WDR27: variants seen among roughly 807,000 people sequenced by gnomAD.
WDR27 encodes WD repeat domain 27, also known as WD repeat-containing protein 27.
In WDR27, 100 loss-of-function variants were observed where a neutral mutation model predicts 114.4. The ratio of observed to expected loss-of-function variants is 0.87; its 90% CI spans 0.74 to 1.03. WDR27 has a LOEUF of 1.03. Ranked by LOEUF, WDR27 falls within the 50% of genes least tolerant of loss-of-function variation. The pLI is 0.00. For missense variants in WDR27, 1,129 were observed against 1,092.9 expected (o/e 1.03, Z -0.47); for synonymous variants, 449 against 423.1 (o/e 1.06, Z -0.75).
intron 23 of WDR27, among the ~76,000 whole-genome samples, chr6:169,583,397 C>A (rs1269086289): frequency 1.5e-5 from 2 of 137,596 alleles, no homozygotes; most frequent in South Asian, 2.4e-4. Flanking sequence ...TACTCATCAG[C>A]TTAGAATTTG....
intron 25 of WDR27, among the ~76,000 whole-genome samples, chr6:169,465,258 C>CAAAAAAAAAAAA (rs56688798): frequency 4.9e-5 from 5 of 101,212 alleles, no homozygotes; most frequent in African/African-American, 1.8e-4. Context: ...AACTCCATCT[C>CAAAAAAAAAAAA]AAAAAAAAAA....
At chr6:169,666,551 G>A (rs538386771) in intron 6 of WDR27, 38 of 985,532 alleles carry the variant, frequency 3.9e-5, no homozygotes, top group Middle Eastern at 5.2e-4. Flanking sequence ...GGGGCTGCAC[G>A]GGAGAGGTGC....
the WDR27 span, among the ~76,000 whole-genome samples, chr6:169,437,937 T>G: frequency 7.2e-5 from 11 of 152,238 alleles, no homozygotes; most frequent in East Asian, 1.9e-4. Context: ...TCAGCGGGTA[T>G]ATGTTCAGGT....
At chr6:169,662,246 A>G (rs1284100975) in intron 9 of WDR27, 58 bp downstream of exon 9, 1 of 1,578,146 alleles carries the variant, frequency 6.3e-7, no homozygotes, top group Non-Finnish European at 8.7e-7. Context: ...CCTAATGTTC[A>G]TCTAAGGAAT....
chr6:169,467,456 T>C (rs112608175), intron 25 of WDR27, among the ~76,000 whole-genome samples: 1,988 of 152,310 alleles, frequency 0.013, 41 homozygotes, highest in African/African-American at 0.041. Flanking sequence ...CATACATCCT[T>C]GAAATAAAGG....
Position 169,659,926 on chromosome 6 carries a change from G to T in WDR27, c.1130-408C>A, listed in dbSNP as rs1825559900. ...AAGCTGCGCCTGGCTGAGCTGGGGA[G>T]GGGCAGGGATGGGCGGCTGAAGGGA... On this transcript the variant is annotated intron_variant, in intron 10 of 25. Coordinates refer to ENST00000448612, the MANE Select transcript of WDR27 (RefSeq NM_182552.5). The surrounding 1 kb of genome is among the most constrained non-coding windows in gnomAD (Gnocchi z 4.3). Among the ~76,000 whole-genome samples, 1 of 151,964 alleles carries T rather than the reference G, an allele frequency of 6.6e-6. No individual in the cohort carries two copies. Among genetic ancestry groups the T allele is most frequent in the Non-Finnish European group, 1.5e-5 (1 of 68,002 alleles).
chr6:169,508,340 T>C (rs55929355), intron 25 of WDR27, among the ~76,000 whole-genome samples: 25 of 152,300 alleles, frequency 1.6e-4, no homozygotes, highest in Non-Finnish European at 3.2e-4. Flanking sequence ...ATACACCAAT[T>C]ATTAGTTGAT....
intron 1 of WDR27, among the ~76,000 whole-genome samples, chr6:169,694,662 T>C (rs139500216): frequency 6.6e-6 from 1 of 152,312 alleles, no homozygotes; most frequent in African/African-American, 2.4e-5. Context: ...AATATGTAAT[T>C]AAACAGTTAT....
the WDR27 span, among the ~76,000 whole-genome samples, chr6:169,429,306 T>C: frequency 6.6e-6 from 1 of 152,060 alleles, no homozygotes; most frequent in African/African-American, 2.4e-5. Flanking sequence ...GGGCTCCTGG[T>C]TGGTTTGCTT....
intron 21 of WDR27, among the ~76,000 whole-genome samples, chr6:169,621,913 T>C (rs1449588810): frequency 6.6e-6 from 1 of 152,110 alleles, no homozygotes; most frequent in Admixed American, 6.5e-5. Context: ...CTTGCACACA[T>C]ATACACACTG....
At chr6:169,557,063 G>A (rs1453927762) in intron 25 of WDR27, among the ~76,000 whole-genome samples, 4 of 152,144 alleles carry the variant, frequency 2.6e-5, no homozygotes, top group African/African-American at 4.8e-5. Flanking sequence ...CAAGAGAAAC[G>A]AGAACATGTG....
intron 25 of WDR27, among the ~76,000 whole-genome samples, chr6:169,541,948 A>C (rs1375118081): frequency 6.6e-6 from 1 of 152,218 alleles, no homozygotes; most frequent in African/African-American, 2.4e-5. Context: ...TTAAGGGAAC[A>C]ATTTCATGAT....
At chr6:169,428,869 A>G in the WDR27 span, among the ~76,000 whole-genome samples, 1 of 152,028 alleles carries the variant, frequency 6.6e-6, no homozygotes, top group African/African-American at 2.4e-5. Flanking sequence ...TCTTCGTCCC[A>G]CTTCTCAAGG....
chr6:169,472,375 A>G (rs919166188), intron 25 of WDR27, among the ~76,000 whole-genome samples: 3 of 152,164 alleles, frequency 2.0e-5, no homozygotes, highest in Admixed American at 6.5e-5. Context: ...AATATTTTCT[A>G]TAGTTTCTGT....
intron 25 of WDR27, among the ~76,000 whole-genome samples, chr6:169,499,802 G>A (rs1790893641): frequency 6.6e-6 from 1 of 152,222 alleles, no homozygotes; most frequent in Non-Finnish European, 1.5e-5. Flanking sequence ...AGATGGGCCC[G>A]TCACAGGCAG....
intron 1 of WDR27, 43 bp downstream of exon 1, chr6:169,701,508 C>G (rs1432170700): frequency 2.0e-5 from 3 of 153,038 alleles, no homozygotes; most frequent in Non-Finnish European, 2.9e-5. Flanking sequence ...TTAAAGAGAT[C>G]TGAGTGCTCC....
intron 20 of WDR27, among the ~76,000 whole-genome samples, chr6:169,633,479 C>A (rs1386902782): frequency 6.6e-6 from 1 of 152,198 alleles, no homozygotes; most frequent in Non-Finnish European, 1.5e-5. Flanking sequence ...GGTGACAGCA[C>A]CTGGGGCAGG....
At chr6:169,553,275 G>A (rs1798445626) in intron 25 of WDR27, among the ~76,000 whole-genome samples, 1 of 152,072 alleles carries the variant, frequency 6.6e-6, no homozygotes. Context: ...CTCCCAGCCC[G>A]GCCCAGCAAC....
intron 25 of WDR27, among the ~76,000 whole-genome samples, chr6:169,548,856 AC>A (rs1166673468): frequency 2.6e-5 from 4 of 152,248 alleles, no homozygotes; most frequent in African/African-American, 9.6e-5. Flanking sequence ...ATGCAAAAAA[AC>A]AAATGAATCT....
Sources: gnomAD v4.1 joint callset for allele counts (sites outside exome capture counted in the v4.1 genomes callset) on GRCh38, gnomAD v4.1.1 for gene constraint, Gnocchi (gnomAD v3.1) non-coding constraint, MANE v1.5 for transcripts, NCBI Gene and HGNC (gene_info 2026-07-23, HGNC 2026-07-21) for gene names.